TMC2: variants seen among roughly 807,000 people sequenced by gnomAD.
TMC2 encodes the protein transmembrane channel like 2, also known as transmembrane channel-like protein 2.
In TMC2, 102 loss-of-function variants were observed where a neutral mutation model predicts 105.9. That is an observed-to-expected ratio of 0.96 (90% CI 0.82 to 1.14). The LOEUF is 1.14. Ranked by LOEUF, TMC2 falls within the 50% of genes most tolerant of loss-of-function variation. The pLI is 0.00. For synonymous variants in TMC2, 402 were observed against 422.8 expected, an observed-to-expected ratio of 0.95 and a Z score of 0.60; for missense variants, 1,093 against 1,134.3, an observed-to-expected ratio of 0.96 and a Z score of 0.52.
At chr20:2,595,764 G>C (rs112834925) in intron 9 of TMC2, among the ~76,000 whole-genome samples, 1 of 94,210 alleles carries the variant, frequency 1.1e-5, no homozygotes, top group Non-Finnish European at 2.2e-5. Flanking sequence ...CCTCCCAGAA[G>C]AGGGTGGCTG....
intron 2 of TMC2, among the ~76,000 whole-genome samples, chr20:2,539,911 G>T (rs2085877404): frequency 1.3e-5 from 2 of 151,902 alleles, no homozygotes; most frequent in South Asian, 4.2e-4. Flanking sequence ...AAGGAAACCT[G>T]CTCTATGATA....
In TMC2 at chr20:2,642,953, G is replaced by C. The variant is rs911035028; in HGVS notation, c.*1602G>C. 1.3e-5 allele frequency among the ~76,000 whole-genome samples: 2 copies of C among 152,122 alleles called. No homozygotes were observed. The highest frequency in any genetic ancestry group is 4.8e-5 in the African/African-American group (2 of 41,398). ...TCAGGCAAAGCCCTGGCAGAGAGAC[G>C]AAGATTTTTACAGCAATTTCATAAG... On this transcript the variant is annotated 3_prime_UTR_variant, in exon 20 of 20. Coordinates refer to ENST00000358864, the MANE Select transcript of TMC2 (RefSeq NM_080751.3).
chr20:2,624,852 G>T (rs928825196), intron 17 of TMC2, among the ~76,000 whole-genome samples: 2 of 152,158 alleles, frequency 1.3e-5, no homozygotes, highest in Admixed American at 1.3e-4. Flanking sequence ...CCACTAAAAT[G>T]CTCACTAGAA....
intron 1 of TMC2, 82 bp downstream of exon 1, chr20:2,536,737 T>G: frequency 6.9e-7 from 1 of 1,455,978 alleles, no homozygotes; most frequent in East Asian, 2.5e-5. Flanking sequence ...ACATATGGTG[T>G]TCAGAGGCAT....
chr20:2,547,476 T>A (rs1172373138), intron 2 of TMC2, among the ~76,000 whole-genome samples: 1 of 152,154 alleles, frequency 6.6e-6, no homozygotes, highest in Non-Finnish European at 1.5e-5. Context: ...AGGCTAAACA[T>A]CTCTTCTGAT....
intron 17 of TMC2, among the ~76,000 whole-genome samples, chr20:2,630,057 A>G (rs990798809): frequency 6.6e-6 from 1 of 152,224 alleles, no homozygotes; most frequent in Admixed American, 6.5e-5. Flanking sequence ...TTGACACTGA[A>G]CTTAAAACAC....
chr20:2,612,865 T>C (rs929946223), intron 13 of TMC2, among the ~76,000 whole-genome samples: 1 of 152,188 alleles, frequency 6.6e-6, no homozygotes, highest in African/African-American at 2.4e-5. Context: ...CTACGATGCA[T>C]TGGGCATAGT....
chr20:2,639,725 A>G (rs906979199), intron 19 of TMC2, among the ~76,000 whole-genome samples: 20 of 152,320 alleles, frequency 1.3e-4, no homozygotes, highest in Non-Finnish European at 1.9e-4. Flanking sequence ...TTCCCAGGAA[A>G]GTATCTTGGG....
At chr20:2,576,274 A>C (rs140906836) in intron 5 of TMC2, among the ~76,000 whole-genome samples, 26 of 152,322 alleles carry the variant, frequency 1.7e-4, no homozygotes, top group African/African-American at 5.8e-4. Flanking sequence ...AGGCCTGAGA[A>C]AGGGGCTTGG....
intron 13 of TMC2, 107 bp downstream of exon 13, chr20:2,612,447 C>A: frequency 1.8e-6 from 2 of 1,111,082 alleles, no homozygotes; most frequent in Non-Finnish European, 1.2e-6. Flanking sequence ...ACCAGCTGTT[C>A]ATCCAGCAAA....
intron 17 of TMC2, among the ~76,000 whole-genome samples, chr20:2,630,439 A>G (rs986981703): frequency 6.6e-6 from 1 of 152,178 alleles, no homozygotes; most frequent in African/African-American, 2.4e-5. Context: ...TACAATTACA[A>G]AATAATCCTA....
chr20:2,608,907 C>T (rs561767706), intron 11 of TMC2, among the ~76,000 whole-genome samples: 1 of 152,224 alleles, frequency 6.6e-6, no homozygotes, highest in South Asian at 2.1e-4. Context: ...TCCTTTGTTG[C>T]ATCTTTAGAA....
At chr20:2,595,030 C>A (rs1163662218) in intron 9 of TMC2, 63 bp downstream of exon 9, 1 of 1,556,608 alleles carries the variant, frequency 6.4e-7, no homozygotes, top group East Asian at 2.2e-5. Context: ...CCCCTGGCCA[C>A]TCTATGCCTA....
intron 4 of TMC2, among the ~76,000 whole-genome samples, chr20:2,568,629 C>CT (rs1250330295): frequency 3.3e-5 from 5 of 152,314 alleles, no homozygotes; most frequent in Admixed American, 6.5e-5. Flanking sequence ...ACTCCAAGTG[C>CT]TTTTGAGTAT....
intron 17 of TMC2, among the ~76,000 whole-genome samples, chr20:2,626,888 C>T (rs141812907): frequency 2.4e-4 from 37 of 152,332 alleles, no homozygotes; most frequent in African/African-American, 7.7e-4. Flanking sequence ...CAGGGGACTC[C>T]TTGCTTCTAG....
At chr20:2,590,951 A>G (rs1222362441) in intron 7 of TMC2, among the ~76,000 whole-genome samples, 3 of 152,172 alleles carry the variant, frequency 2.0e-5, no homozygotes, top group Non-Finnish European at 4.4e-5. Context: ...GAATATTTCT[A>G]TGAGGAACAC....
chr20:2,577,528 G>A (rs1312016146), intron 5 of TMC2, among the ~76,000 whole-genome samples: 1 of 152,128 alleles, frequency 6.6e-6, no homozygotes. Context: ...CTGACAGCTG[G>A]TTCCCTTCTT....
chr20:2,566,083 C>G (rs1024305139), intron 4 of TMC2, among the ~76,000 whole-genome samples: 1 of 152,120 alleles, frequency 6.6e-6, no homozygotes, highest in Non-Finnish European at 1.5e-5. Context: ...TAAAAAGCAA[C>G]AGCAGTGAGT....
intron 4 of TMC2, among the ~76,000 whole-genome samples, chr20:2,570,455 G>A (rs1356384154): frequency 2.6e-5 from 4 of 151,920 alleles, no homozygotes; most frequent in Non-Finnish European, 5.9e-5. Context: ...TAACCAAGGA[G>A]GTGAAAGATC....
Sources: gnomAD v4.1 joint callset for allele counts (sites outside exome capture counted in the v4.1 genomes callset) on GRCh38, gnomAD v4.1.1 for gene constraint, MANE v1.5 for transcripts, NCBI Gene and HGNC (gene_info 2026-07-23, HGNC 2026-07-21) for gene names.